PRKCE: variants seen among roughly 807,000 people sequenced by gnomAD.
The protein encoded by PRKCE is protein kinase C epsilon type.
PRKCE carries 16 observed loss-of-function variants against 85.4 expected under a neutral mutation model. That is an observed-to-expected ratio of 0.19 (90% CI 0.13 to 0.28). The LOEUF (loss-of-function observed/expected upper bound fraction) is 0.28. Among genes scored for constraint, PRKCE ranks in the 10% least tolerant of loss-of-function variants. The pLI is 1.00. For synonymous variants in PRKCE, 388 were observed against 371.5 expected, an observed-to-expected ratio of 1.04 and a Z score of -0.51; for missense variants, 573 against 975.2, an observed-to-expected ratio of 0.59 and a Z score of 5.49.
chr2:45,799,114 T>C (rs1393475467), intron 1 of PRKCE, among the ~76,000 whole-genome samples: 1 of 150,772 alleles, frequency 6.6e-6, no homozygotes, highest in Admixed American at 6.6e-5. Flanking sequence ...TGCAGTAACC[T>C]GAGATCGTGC....
At chr2:45,746,779 C>G (rs895726747) in intron 1 of PRKCE, among the ~76,000 whole-genome samples, 2 of 152,150 alleles carry the variant, frequency 1.3e-5, no homozygotes, top group South Asian at 4.1e-4. Flanking sequence ...TTGACACATC[C>G]CTATCCTGCC....
intron 2 of PRKCE, among the ~76,000 whole-genome samples, chr2:45,896,381 C>G (rs1696141807): frequency 6.6e-6 from 1 of 152,194 alleles, no homozygotes; most frequent in Non-Finnish European, 1.5e-5. Context: ...CTTTACGTGG[C>G]TGTGGCTGGG....
At chr2:45,833,148 A>G (rs943177199) in intron 1 of PRKCE, among the ~76,000 whole-genome samples, 3 of 151,844 alleles carry the variant, frequency 2.0e-5, no homozygotes, top group Admixed American at 6.6e-5. Flanking sequence ...CAAAAAAAAA[A>G]AAAAAGAAAA....
At chr2:46,102,213 T>C (rs12614729) in intron 11 of PRKCE, among the ~76,000 whole-genome samples, 40,823 of 151,986 alleles carry the variant, frequency 0.27, 5,685 homozygotes, top group South Asian at 0.42. Flanking sequence ...AGTATACAGT[T>C]TTCAGGACTA....
chr2:45,767,647 A>G (rs1685016019), intron 1 of PRKCE, among the ~76,000 whole-genome samples: 1 of 152,168 alleles, frequency 6.6e-6, no homozygotes, highest in African/African-American at 2.4e-5. Context: ...AAGTTTTATT[A>G]AGGATCAAAG....
intron 13 of PRKCE, among the ~76,000 whole-genome samples, chr2:46,152,706 G>A (rs1329281720): frequency 1.3e-5 from 2 of 151,478 alleles, no homozygotes; most frequent in Non-Finnish European, 2.9e-5. Context: ...CCACCACCAT[G>A]CTCAGCTAAT....
chr2:46,120,884 A>G (rs1223580936), intron 11 of PRKCE, among the ~76,000 whole-genome samples: 3 of 152,218 alleles, frequency 2.0e-5, no homozygotes, highest in African/African-American at 7.2e-5. Context: ...GTCTGAATAG[A>G]ATCCTGCCTT....
At chr2:45,831,236 G>A (rs59339310) in intron 1 of PRKCE, among the ~76,000 whole-genome samples, 1,625 of 152,324 alleles carry the variant, frequency 0.011, 34 homozygotes, top group African/African-American at 0.036. Flanking sequence ...GAAAGAAGGT[G>A]TATGTAACAC....
At chr2:46,144,950 C>G (rs1485161463) in intron 11 of PRKCE, 143 bp from the exon 12 acceptor site, 2 of 1,243,248 alleles carry the variant, frequency 1.6e-6, no homozygotes, top group African/African-American at 3.0e-5. Context: ...AGCCCCTGGA[C>G]TGAGATGGGT....
chr2:45,877,702 C>G (rs1239293881), intron 2 of PRKCE, among the ~76,000 whole-genome samples: 3 of 152,122 alleles, frequency 2.0e-5, no homozygotes, highest in Non-Finnish European at 4.4e-5. Context: ...ATGCCAACAC[C>G]TGAAGTCTTT....
In PRKCE at chr2:45,981,382, A is replaced by C. The variant is rs61764797; in HGVS notation, c.693+1001A>C. Among the ~76,000 whole-genome samples the C allele has an allele frequency of 9.6e-3, 1,462 of 152,298 alleles. 12 individuals carry two copies. Among genetic ancestry groups the C allele is most frequent in the Non-Finnish European group, 0.015 (1,031 of 68,014 alleles). On this transcript the variant is annotated intron_variant, in intron 5 of 14. Transcript: ENST00000306156. ...TCAGCTGGTCTACAATTTGACTTCC[A>C]AGAGGACTGACTTATAGAGACTTCT...
At chr2:46,077,260 T>C (rs1668641804) in intron 10 of PRKCE, among the ~76,000 whole-genome samples, 1 of 152,014 alleles carries the variant, frequency 6.6e-6, no homozygotes, top group Non-Finnish European at 1.5e-5. Flanking sequence ...GAGATGGATG[T>C]GTTTATGGAA....
chr2:45,734,954 C>T (rs1279069470), intron 1 of PRKCE, among the ~76,000 whole-genome samples: 2 of 152,282 alleles, frequency 1.3e-5, no homozygotes, highest in Non-Finnish European at 2.9e-5. Flanking sequence ...ACTTTTGTTA[C>T]AGCTGCGTCG....
At chr2:45,792,323 A>T (rs1687096863) in intron 1 of PRKCE, among the ~76,000 whole-genome samples, 1 of 152,104 alleles carries the variant, frequency 6.6e-6, no homozygotes, top group East Asian at 1.9e-4. Context: ...CATAACCCAG[A>T]CACCTCTCAT....
At chr2:46,060,612 G>A (rs1052136947) in intron 10 of PRKCE, among the ~76,000 whole-genome samples, 2 of 152,072 alleles carry the variant, frequency 1.3e-5, no homozygotes, top group African/African-American at 2.4e-5. Context: ...AAAGGGTCCC[G>A]GAAGAGTTCT....
At chr2:45,840,057 G>A (rs1403329858) in intron 1 of PRKCE, among the ~76,000 whole-genome samples, 1 of 152,180 alleles carries the variant, frequency 6.6e-6, no homozygotes, top group Non-Finnish European at 1.5e-5. Flanking sequence ...AGATGGGCAT[G>A]GTGCCTGCCT....
chr2:46,031,660 AAAATGCTCAT>A (rs1433868349), intron 10 of PRKCE, among the ~76,000 whole-genome samples: 1 of 150,842 alleles, frequency 6.6e-6, no homozygotes, highest in African/African-American at 2.4e-5. Flanking sequence ...TACCCAGAGT[AAAATGCTCAT>A]AAATGCTCAT....
chr2:46,010,643 GA>G, intron 10 of PRKCE, 126 bp downstream of exon 10: 1 of 1,599,214 alleles, frequency 6.3e-7, no homozygotes, highest in Non-Finnish European at 8.5e-7. Context: ...TTTTACCCTT[GA>G]AAAGATCAGG....
chr2:45,844,058 C>T (rs1691579833), intron 2 of PRKCE, among the ~76,000 whole-genome samples: 1 of 152,148 alleles, frequency 6.6e-6, no homozygotes, highest in Admixed American at 6.5e-5. Context: ...AGTCACAATC[C>T]CACACACAGT....
Sources: allele counts gnomAD v4.1 joint callset (sites outside exome capture counted in the v4.1 genomes callset), GRCh38; gene constraint gnomAD v4.1.1; transcripts MANE v1.5; gene names NCBI Gene and HGNC (gene_info 2026-07-23, HGNC 2026-07-21).